ZNF334: variants seen among roughly 807,000 people sequenced by gnomAD.
ZNF334 encodes the protein zinc finger protein 334.
ZNF334 carries 14 observed loss-of-function variants against 12.4 expected under a neutral mutation model. The ratio of observed to expected loss-of-function variants is 1.13; its 90% confidence interval spans 0.74 to 1.76. The LOEUF is 1.76. ZNF334 is among the 40% of genes most tolerant of loss of function. ZNF334 has a pLI of 0.00. For synonymous variants in ZNF334, 273 were observed against 269.6 expected (o/e 1.01, Z -0.12); for missense variants, 797 against 804.5 (o/e 0.99, Z 0.11).
the ZNF334 span, among the ~76,000 whole-genome samples, chr20:46,470,869 T>C: frequency 6.6e-6 from 1 of 152,238 alleles, no homozygotes; most frequent in Non-Finnish European, 1.5e-5. Flanking sequence ...TTCTAATGGA[T>C]GTTTGAATTT....
At chr20:46,488,780 C>T in the ZNF334 span, among the ~76,000 whole-genome samples, 1 of 147,926 alleles carries the variant, frequency 6.8e-6, no homozygotes, top group East Asian at 2.0e-4. Flanking sequence ...AAGCCATATG[C>T]TGGGCATAGA....
chr20:46,487,043 C>A, the ZNF334 span, among the ~76,000 whole-genome samples: 13 of 151,778 alleles, frequency 8.6e-5, no homozygotes, highest in Admixed American at 7.2e-4. Flanking sequence ...TTAAAATGTA[C>A]GGTTACTCCT....
downstream of ZNF334, among the ~76,000 whole-genome samples, chr20:46,496,476 C>T (rs540674734): frequency 7.2e-5 from 11 of 152,258 alleles, no homozygotes; most frequent in Non-Finnish European, 1.6e-4. Flanking sequence ...TTGTGGGAAA[C>T]CAACAAGGGA....
At chr20:46,486,211 C>A in the ZNF334 span, among the ~76,000 whole-genome samples, 1 of 152,128 alleles carries the variant, frequency 6.6e-6, no homozygotes, top group African/African-American at 2.4e-5. Flanking sequence ...ATTTATAATT[C>A]ATTATGTCAT....
At chr20:46,495,977 T>G (rs78915056), downstream of ZNF334, among the ~76,000 whole-genome samples, 2,484 of 152,242 alleles carry the variant, frequency 0.016, 65 homozygotes, top group African/African-American at 0.057. Flanking sequence ...TGGAGGAAGA[T>G]CTGCATGATG....
the ZNF334 span, chr20:46,463,741 G>T: frequency 1.3e-4 from 31 of 245,568 alleles, 1 homozygote; most frequent in Admixed American, 1.3e-3. Flanking sequence ...AAAGGTCACA[G>T]ATTGAGAAGA....
chr20:46,470,188 T>C, the ZNF334 span, among the ~76,000 whole-genome samples: 13 of 152,178 alleles, frequency 8.5e-5, no homozygotes, highest in African/African-American at 2.9e-4. Flanking sequence ...GGCCCTACAA[T>C]AATTTTTATG....
At chr20:46,476,831 A>G in the ZNF334 span, 1 of 152,224 alleles carries the variant, frequency 6.6e-6, no homozygotes, top group Admixed American at 6.5e-5. Flanking sequence ...GGAGAATTTT[A>G]TGGCAATGTT....
At chr20:46,512,183 C>T in intron 1 of ZNF334, 43 bp from the exon 2 acceptor site, 1 of 1,482,022 alleles carries the variant, frequency 6.7e-7, no homozygotes, top group Non-Finnish European at 9.4e-7. Flanking sequence ...AGCGATTTGG[C>T]TCACACAGCA....
At chr20:46,496,740 G>A (rs1438151276), downstream of ZNF334, 1 of 152,328 alleles carries the variant, frequency 6.6e-6, no homozygotes, top group Non-Finnish European at 1.5e-5. Flanking sequence ...TGGCTCAGTA[G>A]ATGAGCCTGT....
the ZNF334 span, chr20:46,464,547 G>A: frequency 4.6e-6 from 2 of 435,722 alleles, no homozygotes; most frequent in Admixed American, 5.7e-5. Flanking sequence ...TGGGCCTCAG[G>A]ACAAGATTTT....
the ZNF334 span, among the ~76,000 whole-genome samples, chr20:46,472,221 C>T: frequency 2.0e-5 from 3 of 152,146 alleles, no homozygotes; most frequent in African/African-American, 4.8e-5. Flanking sequence ...CCACCCCTTG[C>T]GGAATATAGT....
At position 46,504,576 on chromosome 20, in the gene ZNF334, G is replaced by A. The variant is rs777071343; in HGVS notation, c.148+38C>T. On this transcript the variant is annotated intron_variant, in intron 3 of 4. Coordinates refer to ENST00000692313, the MANE Select transcript of ZNF334 (RefSeq NM_001353824.2). Reference sequence around the variant, plus strand: ...CATGTTTTTGTAACACAGAAGAAATGTATGCTCTTGGGAGTTGTACAGGGA... The same window carrying A: ...CATGTTTTTGTAACACAGAAGAAATATATGCTCTTGGGAGTTGTACAGGGA... 6 of 1,552,106 alleles carry A rather than the reference G, an allele frequency of 3.9e-6. No individual in the cohort carries two copies. The South Asian group carries it at 6.3e-5, about 16-fold the overall frequency.
At chr20:46,465,940 C>T in the ZNF334 span, among the ~76,000 whole-genome samples, 3 of 150,294 alleles carry the variant, frequency 2.0e-5, no homozygotes, top group African/African-American at 4.9e-5. Context: ...AGCGACAGAG[C>T]GAAACTCCGT....
chr20:46,507,067 T>C (rs959889561), intron 2 of ZNF334, among the ~76,000 whole-genome samples: 1 of 151,726 alleles, frequency 6.6e-6, no homozygotes, highest in African/African-American at 2.4e-5. Flanking sequence ...TGAGCTATGA[T>C]TGCACCACTG....
the ZNF334 span, among the ~76,000 whole-genome samples, chr20:46,468,579 C>T: frequency 1.3e-5 from 2 of 152,086 alleles, no homozygotes; most frequent in African/African-American, 4.8e-5. Context: ...GCTACACCCC[C>T]GGGCCTATAC....
intron 2 of ZNF334, among the ~76,000 whole-genome samples, chr20:46,507,000 G>A (rs996479833): frequency 5.3e-5 from 8 of 151,676 alleles, no homozygotes; most frequent in Non-Finnish European, 8.8e-5. Flanking sequence ...TGTAGTCCCA[G>A]CTACTTGGAA....
chr20:46,506,544 A>T (rs1305895354), intron 2 of ZNF334: 5 of 388,330 alleles, frequency 1.3e-5, no homozygotes, highest in Admixed American at 4.5e-5. Context: ...TGAGTCTGGG[A>T]GTCAGAGGTT....
rs1270510389 is a variant in ZNF334 at position 46,504,664 on chromosome 20, A to G, written c.98T>C (p.Leu33Pro). The change falls in exon 3 of 5, where the codon CTC becomes CCC. Residue 33 changes from leucine to proline, a missense_variant. Transcript: ENST00000692313. ...CTCCAGCATCACATCCCTGTACAGGAGCCTCTGAGCAGGGTCCAGTTGCTG... is the reference window on the plus strand; with the variant it reads ...CTCCAGCATCACATCCCTGTACAGGGGCCTCTGAGCAGGGTCCAGTTGCTG... The part of the protein sequence containing the change: ...EWQQLDPAQR[L>P]LYRDVMLENY... 1.2e-6 allele frequency: 2 copies of G among 1,612,464 alleles called. No individual in the cohort carries two copies. Among genetic ancestry groups the G allele is most frequent in the Non-Finnish European group, 1.7e-6 (2 of 1,179,418 alleles).
Sources: gnomAD v4.1 joint callset for allele counts (sites outside exome capture counted in the v4.1 genomes callset) on GRCh38, gnomAD v4.1.1 for gene constraint, MANE v1.5 for transcripts, NCBI Gene and HGNC (gene_info 2026-07-23, HGNC 2026-07-21) for gene names.